The following PTPN5 variants were observed in gnomAD, a reference collection of about 807,000 sequenced individuals.
PTPN5 encodes the protein tyrosine-protein phosphatase non-receptor type 5.
PTPN5 carries 29 observed loss-of-function variants against 73.9 expected under a neutral mutation model. The observed-to-expected ratio is 0.39, with a 90% CI of 0.29 to 0.54. The LOEUF is 0.54. Among genes scored for constraint, PTPN5 ranks in the 20% least tolerant of loss-of-function variants. The pLI, the probability that PTPN5 is intolerant of heterozygous loss-of-function variation, is 0.65. For synonymous variants in PTPN5, 267 were observed against 304.7 expected, an observed-to-expected ratio of 0.88 and a Z score of 1.29; for missense variants, 652 against 751.4, an observed-to-expected ratio of 0.87 and a Z score of 1.55.
intron 8 of PTPN5, among the ~76,000 whole-genome samples, chr11:18,738,787 C>T (rs928511261): frequency 6.6e-6 from 1 of 152,042 alleles, no homozygotes; most frequent in African/African-American, 2.4e-5. Context: ...CCCTGGCCAA[C>T]ATGTTGAAAC....
upstream of PTPN5, chr11:18,792,502 G>A (rs762323092): frequency 6.6e-6 from 1 of 152,594 alleles, no homozygotes; most frequent in Non-Finnish European, 1.5e-5. Flanking sequence ...CACCTGTTTT[G>A]GTTTTCTCGT....
chr11:18,768,304 G>A (rs750732704), intron 2 of PTPN5, among the ~76,000 whole-genome samples: 35 of 152,198 alleles, frequency 2.3e-4, no homozygotes, highest in Non-Finnish European at 2.4e-4. Flanking sequence ...TCATTTTACA[G>A]AGGAGAAACT....
chr11:18,775,586 G>A (rs1172629438), intron 1 of PTPN5, among the ~76,000 whole-genome samples: 1 of 152,220 alleles, frequency 6.6e-6, no homozygotes, highest in Non-Finnish European at 1.5e-5. Flanking sequence ...GAGTTTGGGA[G>A]GCTGGCTTGG....
intron 1 of PTPN5, among the ~76,000 whole-genome samples, chr11:18,776,104 T>G (rs963539284): frequency 6.6e-6 from 1 of 152,216 alleles, no homozygotes; most frequent in African/African-American, 2.4e-5. Context: ...CTGAAAACAT[T>G]GCATTCTGCT....
intron 3 of PTPN5, among the ~76,000 whole-genome samples, chr11:18,746,030 G>A (rs1340810392): frequency 6.6e-6 from 1 of 151,484 alleles, no homozygotes; most frequent in Non-Finnish European, 1.5e-5. Context: ...CGTAAGTCCT[G>A]GTGTGTAAGG....
chr11:18,788,776 A>C (rs893334921), intron 1 of PTPN5, among the ~76,000 whole-genome samples: 1 of 152,226 alleles, frequency 6.6e-6, no homozygotes, highest in African/African-American at 2.4e-5. Flanking sequence ...CTGGAGGCCT[A>C]GCTCTCTGGA....
chr11:18,732,693 C>T lies in PTPN5; in HGVS notation c.1228G>A (p.Glu410Lys), dbSNP rs150865904. 3.0e-4 allele frequency: 490 copies of T among 1,613,532 alleles called. No homozygotes were observed. The highest frequency in any genetic ancestry group is 3.7e-4 in the Non-Finnish European group (436 of 1,179,922). The change falls in exon 12 of 15, where the codon GAG becomes AAG. Residue 410 changes from glutamate to lysine, a missense_variant. Transcript: ENST00000358540. ...GCCACCTGCTCCTCCGGCCAATACT[C>T]GGTGCATTTCTGCAGGGGCCCAGAT... The part of the protein sequence containing the change: ...NIEEMNEKCT[E>K]YWPEEQVAYD...
At position 18,728,107 on chromosome 11, in the gene PTPN5, C is replaced by T. The variant is rs1353009933; in HGVS notation, c.*827G>A. The T allele has an allele frequency of 2.0e-5, 3 of 152,660 alleles. No homozygotes were observed. Among genetic ancestry groups the T allele is most frequent in the African/African-American group, 2.4e-5 (1 of 41,442 alleles). The allele number at this position is 152,660 out of a possible 1,614,324, so 9.5% of individuals were successfully genotyped here. ...CATGCATGCCCTCCTGATGGGCTCT[C>T]AACACACGCATGGACATGGGAACAC... On this transcript the variant is annotated 3_prime_UTR_variant, in exon 15 of 15. Coordinates refer to ENST00000358540, the MANE Select transcript of PTPN5 (RefSeq NM_006906.2). This position sits in a 1 kb window ranked among gnomAD's most constrained non-coding sequence, Gnocchi z 4.1.
At chr11:18,784,768 A>AG in intron 1 of PTPN5, among the ~76,000 whole-genome samples, 1 of 152,004 alleles carries the variant, frequency 6.6e-6, no homozygotes, top group Non-Finnish European at 1.5e-5. Flanking sequence ...TGCCACCCCT[A>AG]GGGCTCTGTG....
chr11:18,732,705 G>A lies in PTPN5; in HGVS notation c.1219-3C>T. 1 of 1,612,290 alleles carries A rather than the reference G, an allele frequency of 6.2e-7. No individual in the cohort carries two copies. The highest frequency in any genetic ancestry group is 8.5e-7 in the Non-Finnish European group (1 of 1,178,888). On this transcript the variant is annotated splice_polypyrimidine_tract_variant and splice_region_variant and intron_variant, in intron 11 of 14. Coordinates refer to ENST00000358540, the MANE Select transcript of PTPN5 (RefSeq NM_006906.2). ...TCCGGCCAATACTCGGTGCATTTCT[G>A]CAGGGGCCCAGATCAGGCTGCCATA...
chr11:18,734,296 A>C (rs946143270), intron 9 of PTPN5, among the ~76,000 whole-genome samples: 10 of 152,110 alleles, frequency 6.6e-5, no homozygotes, highest in African/African-American at 1.7e-4. Context: ...ACATATGCAA[A>C]AAGGTTTTTT....
Position 18,766,724 on chromosome 11 carries a change from AG to A in PTPN5, c.21-842del, listed in dbSNP as rs1850661790. On this transcript the variant is annotated intron_variant, in intron 2 of 14. Coordinates refer to ENST00000358540, the MANE Select transcript of PTPN5 (RefSeq NM_006906.2). ...TCTTGAGGGCAACCACTTGACTCACAGGGGGTCCCCTACCCTGGGAATGGCC... is the reference window on the plus strand; with the variant it reads ...TCTTGAGGGCAACCACTTGACTCACAGGGGTCCCCTACCCTGGGAATGGCC... Among the ~76,000 whole-genome samples the A allele has an allele frequency of 2.0e-5, 3 of 152,154 alleles. No homozygotes were observed. The South Asian group carries it at 6.2e-4, about 32-fold the overall frequency.
At chr11:18,786,830 A>G (rs1430870573) in intron 1 of PTPN5, among the ~76,000 whole-genome samples, 2 of 152,212 alleles carry the variant, frequency 1.3e-5, no homozygotes, top group Non-Finnish European at 2.9e-5. Context: ...ATGTCTATAA[A>G]TAATTTCTCC....
chr11:18,736,977 C>T (rs770962899), intron 9 of PTPN5, among the ~76,000 whole-genome samples: 17 of 152,202 alleles, frequency 1.1e-4, no homozygotes, highest in South Asian at 2.1e-4. Context: ...GTAACCATAG[C>T]AACTACAAGT....
In PTPN5 at chr11:18,740,731, A is replaced by G; in HGVS notation, c.787T>C (p.Phe263Leu). 1 of 1,601,352 alleles carries G rather than the reference A, an allele frequency of 6.2e-7. No homozygotes were observed. The highest frequency in any genetic ancestry group is 8.5e-7 in the Non-Finnish European group (1 of 1,172,804). Residue 263 changes from phenylalanine to leucine, a missense_variant, in exon 8 of 15, where the codon TTT becomes CTT. Around this residue, in one of 3 missense-constraint regions of PTPN5, gnomAD observed 529 missense variants for 573.9 expected, o/e 0.92. Transcript: ENST00000358540. ...MCTPGCNEEG[F>L]GYLMSPREES... ...TCACGTGGGGACATGAGATAGCCAA[A>G]GCCCTCCTCGTTGCAGCCCGGAGTG...
intron 3 of PTPN5, among the ~76,000 whole-genome samples, chr11:18,760,365 C>A (rs1022012103): frequency 2.2e-4 from 33 of 152,312 alleles, no homozygotes; most frequent in South Asian, 6.2e-4. Flanking sequence ...AGGCCTCCAG[C>A]TCCTTTACTT....
intron 1 of PTPN5, among the ~76,000 whole-genome samples, chr11:18,787,124 G>C (rs1851707689): frequency 6.6e-6 from 1 of 152,180 alleles, no homozygotes; most frequent in South Asian, 2.1e-4. Context: ...ATAATATAAA[G>C]CCATACTGAA....
In PTPN5 at chr11:18,737,578, G is replaced by T. The variant is rs564810131; in HGVS notation, c.1000+302C>A. 5.9e-5 allele frequency among the ~76,000 whole-genome samples: 9 copies of T among 152,188 alleles called. No individual in the cohort carries two copies. The South Asian group carries it at 1.7e-3, about 28-fold the overall frequency. On this transcript the variant is annotated intron_variant, in intron 9 of 14. Transcript: ENST00000358540. ...ATCTGCCCACTCTGAAAAGAGTTTCGGTTACCACAGTGTGGCTAGGAACTG... is the reference window on the plus strand; with the variant it reads ...ATCTGCCCACTCTGAAAAGAGTTTCTGTTACCACAGTGTGGCTAGGAACTG...
chr11:18,754,337 G>C (rs1170927189), intron 3 of PTPN5, among the ~76,000 whole-genome samples: 1 of 152,190 alleles, frequency 6.6e-6, no homozygotes, highest in Admixed American at 6.5e-5. Context: ...ACTCCGAACG[G>C]AGAAAGACTC....
Sources: allele counts gnomAD v4.1 joint callset (sites outside exome capture counted in the v4.1 genomes callset), GRCh38; gene constraint gnomAD v4.1.1; regional missense constraint gnomAD v4.1.1; non-coding constraint Gnocchi (gnomAD v3.1); transcripts MANE v1.5; gene names NCBI Gene and HGNC (gene_info 2026-07-23, HGNC 2026-07-21).